Variants in DOCK5 observed in about 807,000 individuals in gnomAD.
DOCK5 encodes dedicator of cytokinesis 5, also known as dedicator of cytokinesis protein 5.
Under a neutral mutation model 251.8 loss-of-function variants are expected in DOCK5, and 142 were observed. The observed-to-expected ratio is 0.56, with a 90% CI of 0.49 to 0.65. DOCK5 has a LOEUF of 0.65. Among genes scored for constraint, DOCK5 ranks in the 30% least tolerant of loss-of-function variants. The pLI is 0.00. For missense variants in DOCK5, 2,111 were observed against 2,312.3 expected (o/e 0.91, Z 1.79); for synonymous variants, 842 against 835.5 (o/e 1.01, Z -0.13).
intron 18 of DOCK5, among the ~76,000 whole-genome samples, chr8:25,326,979 A>G (rs567492802): frequency 2.4e-4 from 37 of 152,206 alleles, no homozygotes; most frequent in Non-Finnish European, 3.4e-4. Flanking sequence ...TTATTTAAGT[A>G]TATGTGAGCA....
At chr8:25,399,788 A>T (rs1801405430) in intron 45 of DOCK5, 123 bp from the exon 46 acceptor site, 1 of 681,596 alleles carries the variant, frequency 1.5e-6, no homozygotes, top group South Asian at 1.8e-5. Context: ...GTCTGAGGAA[A>T]GGGATGCATT....
In DOCK5 at chr8:25,325,479, G is replaced by A. The variant is rs1417847277; in HGVS notation, c.1835G>A (p.Ser612Asn). Residue 612 changes from serine to asparagine, a missense_variant, in exon 18 of 52, where the codon AGC becomes AAC. By Grantham distance (46) the Ser-to-Asn change is conservative. Around this residue, in one of 3 missense-constraint regions of DOCK5, gnomAD observed 1,717 missense variants for 1,892.4 expected, o/e 0.91. Coordinates refer to ENST00000276440, the MANE Select transcript of DOCK5 (RefSeq NM_024940.8). ...ASKNLVTFTP[S>N]KDSTKDSFQI... ...AAAAACCTGGTCACCTTCACCCCAA[G>A]CAAGGATAGCACTAAAGACAGCTTT... is the stretch of plus-strand genomic sequence containing the variant. The A allele has an allele frequency of 6.2e-7, 1 of 1,613,866 alleles. No homozygotes were observed. The highest frequency in any genetic ancestry group is 1.7e-5 in the Admixed American group (1 of 60,018).
chr8:25,377,167 G>C (rs1800977354), intron 37 of DOCK5, 138 bp from the exon 38 acceptor site: 2 of 1,178,820 alleles, frequency 1.7e-6, no homozygotes, highest in South Asian at 1.8e-5. Flanking sequence ...GTGTATATGT[G>C]TGTATATGTA....
At chr8:25,352,258 A>AG (rs1800483779) in intron 27 of DOCK5, among the ~76,000 whole-genome samples, 1 of 92,196 alleles carries the variant, frequency 1.1e-5, no homozygotes, top group Non-Finnish European at 2.1e-5. Flanking sequence ...GAGGGAAGGG[A>AG]GGGAGGGAGG....
intron 20 of DOCK5, among the ~76,000 whole-genome samples, chr8:25,333,652 G>A (rs973789059): frequency 6.6e-6 from 1 of 152,124 alleles, no homozygotes; most frequent in African/African-American, 2.4e-5. Context: ...ATATACAAGA[G>A]GTAATTGGGA....
chr8:25,196,659 A>C (rs1801733774), intron 1 of DOCK5, among the ~76,000 whole-genome samples: 1 of 152,190 alleles, frequency 6.6e-6, no homozygotes, highest in Non-Finnish European at 1.5e-5. Flanking sequence ...TCAAGAGACA[A>C]ATCAGTGGGG....
At chr8:25,239,317 ATATGTGTGTGTGTGTGTGTGTG>A (rs1209652716) in intron 1 of DOCK5, among the ~76,000 whole-genome samples, 12 of 135,142 alleles carry the variant, frequency 8.9e-5, no homozygotes, top group African/African-American at 3.7e-4. Context: ...GTGTGCGTGT[ATATGTGTGTGTGTGTGTGTGTG>A]TATGTGTGTG....
At chr8:25,305,500 A>G (rs1409575259) in intron 11 of DOCK5, among the ~76,000 whole-genome samples, 1 of 152,176 alleles carries the variant, frequency 6.6e-6, no homozygotes, top group Non-Finnish European at 1.5e-5. Flanking sequence ...CAGCCAAAAA[A>G]AGAAAAATTG....
At chr8:25,410,993 ACGCACG>A (rs869239914) in intron 51 of DOCK5, among the ~76,000 whole-genome samples, 195 bp from the exon 52 acceptor site, 42 of 102,556 alleles carry the variant, frequency 4.1e-4, no homozygotes, top group African/African-American at 1.5e-3. Context: ...GCACGCACGC[ACGCACG>A]CACGCGTGTG....
At position 25,332,251 on chromosome 8, in the gene DOCK5, T is replaced by C; in HGVS notation, c.1904T>C (p.Val635Ala). 1 of 1,613,066 alleles carries C rather than the reference T, an allele frequency of 6.2e-7. No homozygotes were observed. Among genetic ancestry groups the C allele is most frequent in the Non-Finnish European group, 8.5e-7 (1 of 1,179,186 alleles). ...TAATGTTTGTGGTTGTTCTTCCTAG[T>C]TGACCTGTTAGGCTTGTTAAATTGG... The part of the protein sequence containing the change: ...LICSTKLTQN[V>A]DLLGLLNWRS... Residue 635 changes from valine to alanine, a missense_variant and splice_region_variant, in exon 19 of 52, where the codon GTT (valine) becomes GCT (alanine). Transcript: ENST00000276440.
intron 27 of DOCK5, among the ~76,000 whole-genome samples, chr8:25,356,713 C>T (rs10102549): frequency 0.31 from 46,602 of 151,548 alleles, 7,212 homozygotes; most frequent in East Asian, 0.35. Context: ...AAAATTTGTT[C>T]AACTTCATGC....
Position 25,395,607 on chromosome 8 carries a change from A to G in DOCK5, c.4592A>G (p.Asn1531Ser), listed in dbSNP as rs781626411. The change falls in exon 45 of 52, where the codon AAC becomes AGC. Residue 1531 changes from asparagine to serine, a missense_variant. Asn to Ser is a conservative substitution (Grantham distance 46). This residue lies in a region of DOCK5 where 1,717 missense variants were observed against 1,892.4 expected (regional missense o/e 0.91). Coordinates refer to ENST00000276440, the MANE Select transcript of DOCK5 (RefSeq NM_024940.8). ...TMELTNERIS[N>S]CVQQHAWDRS... The stretch of plus-strand genomic sequence containing the variant: ...GAGCTGACCAACGAGAGGATCAGCA[A>G]CTGTGTTCAGCAGCATGCCTGGGAC... The G allele has an allele frequency of 6.2e-6, 10 of 1,613,638 alleles. No individual in the cohort carries two copies. The highest frequency in any genetic ancestry group is 1.7e-5 in the Admixed American group (1 of 59,960).
intron 1 of DOCK5, among the ~76,000 whole-genome samples, chr8:25,199,660 T>G (rs1203441901): frequency 1.3e-5 from 2 of 152,178 alleles, no homozygotes; most frequent in African/African-American, 2.4e-5. Context: ...TGGGATTACA[T>G]GCGTGAGCCA....
rs1388104264 is a variant in DOCK5 at position 25,412,391 on chromosome 8, A to T, written c.*1093A>T. The T allele has an allele frequency of 6.6e-6, 1 of 152,158 alleles. No homozygotes were observed. The highest frequency in any genetic ancestry group is 2.4e-5 in the African/African-American group (1 of 41,428). 9.4% of individuals were successfully genotyped at this position (152,158 alleles called of 1,614,324 possible). ...CATAAATAGCCACATGAAGTTTTAG[A>T]CGTTTGGACTTGAAGCCTCAAAGAT... On this transcript the variant is annotated 3_prime_UTR_variant, in exon 52 of 52. Transcript: ENST00000276440.
chr8:25,289,242 A>C (rs561923055), intron 5 of DOCK5, among the ~76,000 whole-genome samples: 9 of 152,244 alleles, frequency 5.9e-5, no homozygotes, highest in African/African-American at 1.7e-4. Context: ...GAAGGACATC[A>C]CTAGAGAATA....
intron 1 of DOCK5, among the ~76,000 whole-genome samples, chr8:25,194,129 C>CAAA (rs34709261): frequency 0.011 from 1,534 of 139,114 alleles, 21 homozygotes; most frequent in African/African-American, 0.038. Context: ...CTAAAAAATA[C>CAAA]AAAAAAAAAA....
At chr8:25,202,244 C>G (rs1177226725) in intron 1 of DOCK5, among the ~76,000 whole-genome samples, 1 of 152,124 alleles carries the variant, frequency 6.6e-6, no homozygotes, top group Non-Finnish European at 1.5e-5. Context: ...TCTCGAACTC[C>G]TGTCCTCAAG....
chr8:25,408,565 C>T (rs1356089557), intron 49 of DOCK5, among the ~76,000 whole-genome samples: 2 of 152,160 alleles, frequency 1.3e-5, no homozygotes, highest in African/African-American at 4.8e-5. Flanking sequence ...ACATAAATGA[C>T]ACAGCCCAAC....
intron 22 of DOCK5, among the ~76,000 whole-genome samples, 192 bp downstream of exon 22, chr8:25,336,565 A>G (rs891578783): frequency 2.0e-5 from 3 of 152,212 alleles, no homozygotes; most frequent in African/African-American, 7.2e-5. Flanking sequence ...GTTTTTGTAG[A>G]TCAGCAAAAT....
Sources: gnomAD v4.1 joint callset for allele counts (sites outside exome capture counted in the v4.1 genomes callset) on GRCh38, gnomAD v4.1.1 for gene constraint, gnomAD v4.1.1 regional missense constraint, MANE v1.5 for transcripts, NCBI Gene and HGNC (gene_info 2026-07-23, HGNC 2026-07-21) for gene names.